The following BBX variants were observed in gnomAD, a reference collection of about 807,000 sequenced individuals.
The protein encoded by BBX is HMG box transcription factor BBX.
BBX carries 30 observed loss-of-function variants against 100.2 expected under a neutral mutation model. The ratio of observed to expected loss-of-function variants is 0.30; its 90% CI spans 0.22 to 0.41. The LOEUF (loss-of-function observed/expected upper bound fraction) is 0.41, where lower values mean the gene tolerates loss of function less well. Ranked by LOEUF, BBX falls within the 10% of genes least tolerant of loss-of-function variation. The pLI is 1.00. For missense variants in BBX, 1,023 were observed against 1,129.8 expected (o/e 0.91, Z 1.35); for synonymous variants, 376 against 388.1 (o/e 0.97, Z 0.37).
chr3:107,655,016 A>G (rs943624359), intron 3 of BBX, among the ~76,000 whole-genome samples: 5 of 152,210 alleles, frequency 3.3e-5, no homozygotes, highest in African/African-American at 9.6e-5. Flanking sequence ...GTTTATTGCT[A>G]TCTCTATTCA....
At chr3:107,799,927 C>T (rs2070246461) in intron 16 of BBX, among the ~76,000 whole-genome samples, 1 of 152,170 alleles carries the variant, frequency 6.6e-6, no homozygotes. Context: ...GTGGCCTTGG[C>T]TGTTGCCTTT....
intron 2 of BBX, among the ~76,000 whole-genome samples, chr3:107,609,646 C>T (rs1023261775): frequency 2.0e-5 from 3 of 151,914 alleles, no homozygotes; most frequent in African/African-American, 7.2e-5. Context: ...TCCATTTTTT[C>T]TACTTTTCCA....
chr3:107,562,102 G>T (rs575232668), intron 2 of BBX, among the ~76,000 whole-genome samples: 2 of 152,278 alleles, frequency 1.3e-5, no homozygotes, highest in South Asian at 4.1e-4. Flanking sequence ...CATGCACTAA[G>T]CCATGGTTTC....
At chr3:107,787,016 C>T (rs911569201) in intron 13 of BBX, among the ~76,000 whole-genome samples, 8 of 152,066 alleles carry the variant, frequency 5.3e-5, no homozygotes, top group Admixed American at 3.9e-4. Context: ...ATAACAAATA[C>T]GTGGCCGATA....
In BBX at chr3:107,808,553, G is replaced by C. The variant is rs1272378140; in HGVS notation, c.*3096G>C. On this transcript the variant is annotated 3_prime_UTR_variant, in exon 18 of 18. Coordinates refer to ENST00000325805, the MANE Select transcript of BBX (RefSeq NM_001142568.3). ...GGTATTTCCTATGTAATTTTGAAGT[G>C]TGTAGAGTATATTATAGTAACTGAA... The C allele has an allele frequency of 6.6e-6, 1 of 152,164 alleles. No homozygotes were observed. Among genetic ancestry groups the C allele is most frequent in the African/African-American group, 2.4e-5 (1 of 41,430 alleles). 9.4% of individuals were successfully genotyped at this position (152,164 alleles called of 1,614,324 possible).
chr3:107,758,876 G>A (rs1362660483), intron 10 of BBX, among the ~76,000 whole-genome samples: 2 of 152,116 alleles, frequency 1.3e-5, no homozygotes, highest in African/African-American at 2.4e-5. Context: ...TGTGAAAGAA[G>A]GGCCAGGAAC....
intron 2 of BBX, among the ~76,000 whole-genome samples, chr3:107,531,402 G>A (rs2048151742): frequency 6.6e-6 from 1 of 152,094 alleles, no homozygotes; most frequent in Admixed American, 6.6e-5. Context: ...ATTCTCATAT[G>A]TGCACAATGG....
intron 2 of BBX, among the ~76,000 whole-genome samples, chr3:107,567,622 G>C (rs577208997): frequency 6.6e-6 from 1 of 151,898 alleles, no homozygotes; most frequent in South Asian, 2.1e-4. Flanking sequence ...AAACCTTTAC[G>C]TGTCATTTTG....
At chr3:107,720,379 G>A (rs1248505438) in intron 5 of BBX, among the ~76,000 whole-genome samples, 1 of 151,960 alleles carries the variant, frequency 6.6e-6, no homozygotes, top group East Asian at 1.9e-4. Context: ...AGGGAAGTGG[G>A]TGGAAGTGGA....
At chr3:107,662,338 T>C (rs1157629071) in intron 3 of BBX, among the ~76,000 whole-genome samples, 2 of 152,082 alleles carry the variant, frequency 1.3e-5, no homozygotes, top group African/African-American at 4.8e-5. Flanking sequence ...TGTGAGTGAA[T>C]CCCTGACGGT....
intron 9 of BBX, among the ~76,000 whole-genome samples, 171 bp from the exon 10 acceptor site, chr3:107,755,427 A>G (rs1261028105): frequency 6.6e-6 from 1 of 152,182 alleles, no homozygotes; most frequent in African/African-American, 2.4e-5. Flanking sequence ...GAGGTCATTT[A>G]CTAAAAATGG....
Position 107,797,337 on chromosome 3 carries a change from A to AT in BBX, c.2354-1186_2354-1185insT, listed in dbSNP as rs2069789795. ...TCCTCTTAGTTTAGCTTTTCTTCCAAATATATATATATATATATATATATA... is the reference window on the plus strand; with the variant it reads ...TCCTCTTAGTTTAGCTTTTCTTCCAATATATATATATATATATATATATATA... On this transcript the variant is annotated intron_variant, in intron 15 of 17. Transcript: ENST00000325805. Among the ~76,000 whole-genome samples, 110 of 39,346 alleles carry AT rather than the reference A, an allele frequency of 2.8e-3. 2 individuals are homozygous for AT. Among genetic ancestry groups the AT allele is most frequent in the African/African-American group, 7.7e-3 (101 of 13,194 alleles). 25.8% of individuals were successfully genotyped at this position (39,346 alleles called of 152,430 possible).
In BBX at chr3:107,611,942, A is replaced by G. The variant is rs369122526; in HGVS notation, c.-83-33894A>G. Among the ~76,000 whole-genome samples, 8 of 151,340 alleles carry G rather than the reference A, an allele frequency of 5.3e-5. No homozygotes were observed. The East Asian group carries it at 1.2e-3, about 22-fold the overall frequency. ...TTCTTTTTGTCTCCTCTGATTGTGT[A>G]TTTTCAGAGAGCTTGTCTTCATTCT... On this transcript the variant is annotated intron_variant, in intron 2 of 17. Transcript: ENST00000325805.
At chr3:107,648,757 A>G (rs1226799149) in intron 3 of BBX, among the ~76,000 whole-genome samples, 1 of 152,208 alleles carries the variant, frequency 6.6e-6, no homozygotes, top group East Asian at 1.9e-4. Flanking sequence ...AATTGTTAGC[A>G]CATAGAACTC....
intron 2 of BBX, among the ~76,000 whole-genome samples, chr3:107,530,792 A>G (rs1355916845): frequency 6.6e-6 from 1 of 152,262 alleles, no homozygotes; most frequent in Non-Finnish European, 1.5e-5. Context: ...TTCCTGAAAC[A>G]GGACAAAGTG....
intron 2 of BBX, among the ~76,000 whole-genome samples, chr3:107,556,250 A>G (rs1224395745): frequency 1.3e-5 from 2 of 152,192 alleles, no homozygotes; most frequent in Non-Finnish European, 2.9e-5. Flanking sequence ...TCCACTGCCT[A>G]TTTAACACTG....
At chr3:107,548,464 T>C (rs944115423) in intron 2 of BBX, among the ~76,000 whole-genome samples, 1 of 152,052 alleles carries the variant, frequency 6.6e-6, no homozygotes, top group Non-Finnish European at 1.5e-5. Flanking sequence ...TTTTGGGAGA[T>C]GTTTTGGGAG....
At chr3:107,549,170 A>G (rs1172695799) in intron 2 of BBX, among the ~76,000 whole-genome samples, 1 of 152,236 alleles carries the variant, frequency 6.6e-6, no homozygotes, top group Admixed American at 6.5e-5. Context: ...AAAAATAAAT[A>G]GTAAAATAAT....
chr3:107,801,032 C>G, intron 16 of BBX, 63 bp from the exon 17 acceptor site: 1 of 1,501,188 alleles, frequency 6.7e-7, no homozygotes, highest in Non-Finnish European at 9.1e-7. Context: ...ACAGCGTTTT[C>G]TATGTCTCTT....
Sources: allele counts gnomAD v4.1 joint callset (sites outside exome capture counted in the v4.1 genomes callset), GRCh38; gene constraint gnomAD v4.1.1; transcripts MANE v1.5; gene names NCBI Gene and HGNC (gene_info 2026-07-23, HGNC 2026-07-21).